Variants in PRKAG2 observed in about 807,000 individuals in gnomAD.
PRKAG2 encodes the protein 5'-AMP-activated protein kinase subunit gamma-2.
PRKAG2 carries 26 observed loss-of-function variants against 69.6 expected under a neutral mutation model. The observed-to-expected ratio is 0.37, with a 90% confidence interval of 0.27 to 0.52. The LOEUF (loss-of-function observed/expected upper bound fraction) is 0.52, where lower values mean the gene tolerates loss of function less well. PRKAG2 is among the 20% of genes least tolerant of loss of function. The pLI, the probability that PRKAG2 is intolerant of heterozygous loss-of-function variation, is 0.90. For synonymous variants in PRKAG2, 293 were observed against 285.0 expected (o/e 1.03, Z -0.28); for missense variants, 557 against 740.0 (o/e 0.75, Z 2.87).
intron 3 of PRKAG2, among the ~76,000 whole-genome samples, chr7:151,759,513 A>T (rs955733855): frequency 4.6e-5 from 7 of 152,146 alleles, no homozygotes; most frequent in Non-Finnish European, 8.8e-5. Flanking sequence ...GGTGCAGGTG[A>T]ATATCCTCCA....
intron 1 of PRKAG2, among the ~76,000 whole-genome samples, chr7:151,855,501 TCCACACACACCGCC>T: frequency 3.6e-5 from 3 of 83,506 alleles, no homozygotes; most frequent in African/African-American, 9.1e-5. Flanking sequence ...CACACCACCC[TCCACACACACCGCC>T]CTCCACACAC....
At chr7:151,560,199 T>G in intron 15 of PRKAG2, 1 of 1,211,422 alleles carries the variant, frequency 8.3e-7, no homozygotes, top group Non-Finnish European at 1.0e-6. Flanking sequence ...TTCTGGTCAC[T>G]AGTTCTCTCA....
intron 10 of PRKAG2, among the ~76,000 whole-genome samples, chr7:151,569,913 G>GC (rs1342705171): frequency 2.6e-5 from 4 of 152,094 alleles, no homozygotes; most frequent in Admixed American, 1.3e-4. Flanking sequence ...ATTTCAACAC[G>GC]CCCCCCAGAT....
At chr7:151,728,956 G>A (rs1161420284) in intron 3 of PRKAG2, among the ~76,000 whole-genome samples, 1 of 152,122 alleles carries the variant, frequency 6.6e-6, no homozygotes, top group Non-Finnish European at 1.5e-5. Flanking sequence ...CCAAGGACAC[G>A]CACCAGAGCT....
chr7:151,717,630 G>C (rs1250765170), intron 3 of PRKAG2, among the ~76,000 whole-genome samples: 4 of 152,194 alleles, frequency 2.6e-5, no homozygotes, highest in Non-Finnish European at 5.9e-5. Flanking sequence ...CTCCCGTGTG[G>C]CCCTGCCAAC....
intron 3 of PRKAG2, among the ~76,000 whole-genome samples, chr7:151,730,036 T>C (rs1327166411): frequency 2.0e-5 from 3 of 151,578 alleles, no homozygotes; most frequent in Admixed American, 2.0e-4. Context: ...GAGTGGGGAG[T>C]TAGGGCTTAG....
rs1419132128 is a variant in PRKAG2 at position 151,632,521 on chromosome 7, T to C, written c.685-383A>G. 6.4e-6 allele frequency: 6 copies of C among 935,234 alleles called. No homozygotes were observed. Among genetic ancestry groups the C allele is most frequent in the Admixed American group, 1.2e-4 (2 of 16,032 alleles). The allele number at this position is 935,234 out of a possible 1,614,324, so 57.9% of individuals were successfully genotyped here. A position where few individuals can be genotyped will look rare whatever the true frequency, so the allele number is the denominator to read the frequency against. On this transcript the variant is annotated intron_variant, in intron 4 of 15. Coordinates refer to ENST00000287878, the MANE Select transcript of PRKAG2 (RefSeq NM_016203.4). The surrounding 1 kb of genome is among the most constrained non-coding windows in gnomAD (Gnocchi z 4.2). ...CCGCGTCCTCCCCGCCGTGCCGCCATTGGGAGAGGCCCGCGGCCCGCCCCC... is the reference window on the plus strand; with the variant it reads ...CCGCGTCCTCCCCGCCGTGCCGCCACTGGGAGAGGCCCGCGGCCCGCCCCC...
intron 5 of PRKAG2, among the ~76,000 whole-genome samples, chr7:151,629,769 A>G (rs1157382040): frequency 6.6e-6 from 1 of 152,240 alleles, no homozygotes; most frequent in Non-Finnish European, 1.5e-5. Context: ...GCCTCTAGAC[A>G]TCAATGCATA....
intron 3 of PRKAG2, among the ~76,000 whole-genome samples, chr7:151,727,035 G>C (rs1563534351): frequency 2.0e-5 from 3 of 152,036 alleles, no homozygotes; most frequent in Admixed American, 6.5e-5. Flanking sequence ...GACCAACATA[G>C]TGAAACCCCG....
At position 151,667,159 on chromosome 7, in the gene PRKAG2, C is replaced by T. The variant is rs140075495; in HGVS notation, c.684+8261G>A. On this transcript the variant is annotated intron_variant, in intron 4 of 15. Transcript: ENST00000287878. The stretch of plus-strand genomic sequence containing the variant: ...TGATGAGCCGCCCCAGCTTAGTCCT[C>T]CCTGTGGGTTAGCTGAGGCCTTTGT... Among the ~76,000 whole-genome samples the T allele has an allele frequency of 1.5e-3, 225 of 152,314 alleles. 6 individuals are homozygous for T. Among genetic ancestry groups the T allele is most frequent in the Admixed American group, 0.013 (204 of 15,300 alleles).
intron 3 of PRKAG2, among the ~76,000 whole-genome samples, chr7:151,760,991 A>G (rs545230122): frequency 6.6e-6 from 1 of 152,376 alleles, no homozygotes; most frequent in South Asian, 2.1e-4. Context: ...TATCACCTAC[A>G]ATAACGAACA....
intron 3 of PRKAG2, among the ~76,000 whole-genome samples, chr7:151,740,587 G>T (rs985509599): frequency 6.6e-6 from 1 of 152,240 alleles, no homozygotes; most frequent in African/African-American, 2.4e-5. Flanking sequence ...TTTGTAGCAA[G>T]GATGCATGAA....
chr7:151,799,042 C>CGAGCGGT (rs1163408100), intron 1 of PRKAG2, among the ~76,000 whole-genome samples: 1 of 152,176 alleles, frequency 6.6e-6, no homozygotes, highest in Non-Finnish European at 1.5e-5. Flanking sequence ...AGCCCCCTGC[C>CGAGCGGT]GAGCGGTGCC....
At chr7:151,700,847 C>A (rs534740511) in intron 3 of PRKAG2, among the ~76,000 whole-genome samples, 1 of 152,238 alleles carries the variant, frequency 6.6e-6, no homozygotes, top group African/African-American at 2.4e-5. Flanking sequence ...CCCAAATAAT[C>A]CTCAGTGCTT....
chr7:151,868,174 T>C (rs918753340), intron 1 of PRKAG2, among the ~76,000 whole-genome samples: 1 of 152,238 alleles, frequency 6.6e-6, no homozygotes, highest in South Asian at 2.1e-4. Flanking sequence ...CAGAGAGGGC[T>C]TCCTGTCAAC....
At chr7:151,869,089 G>T (rs564384691) in intron 1 of PRKAG2, among the ~76,000 whole-genome samples, 39 of 152,276 alleles carry the variant, frequency 2.6e-4, no homozygotes, top group Admixed American at 2.2e-3. Flanking sequence ...GTTTTATTGG[G>T]GGGGGCAGTT....
intron 1 of PRKAG2, among the ~76,000 whole-genome samples, chr7:151,855,014 C>T (rs534784404): frequency 0.02 from 483 of 23,830 alleles, 70 homozygotes; most frequent in East Asian, 0.063. Context: ...ACACACACCA[C>T]CCTCCACACA....
In PRKAG2 at chr7:151,777,521, C is replaced by T. The variant is rs4418266; in HGVS notation, c.466+3631G>A. Among the ~76,000 whole-genome samples, 107,054 of 151,992 alleles carry T rather than the reference C, an allele frequency of 0.7. 38,014 individuals are homozygous for T. The highest frequency in any genetic ancestry group is 0.91 in the East Asian group (4,694 of 5,138). The stretch of plus-strand genomic sequence containing the variant: ...GGTGCTTTAAAGACTCCAGTACCTC[C>T]CCCCTCTCTCTTGCTCCCTTGCGTG... On this transcript the variant is annotated intron_variant, in intron 3 of 15. Transcript: ENST00000287878. This position sits in a 1 kb window ranked among gnomAD's most constrained non-coding sequence, Gnocchi z 4.3.
intron 6 of PRKAG2, among the ~76,000 whole-genome samples, chr7:151,585,499 G>A (rs950431647): frequency 6.6e-6 from 1 of 152,128 alleles, no homozygotes; most frequent in African/African-American, 2.4e-5. Context: ...TCCCGAGCAC[G>A]AGCCCATGTG....
Sources: allele counts gnomAD v4.1 joint callset (sites outside exome capture counted in the v4.1 genomes callset), GRCh38; gene constraint gnomAD v4.1.1; non-coding constraint Gnocchi (gnomAD v3.1); transcripts MANE v1.5; gene names NCBI Gene and HGNC (gene_info 2026-07-23, HGNC 2026-07-21).